AHRR: variants seen among roughly 807,000 people sequenced by gnomAD.
AHRR encodes the protein aryl hydrocarbon receptor repressor.
In AHRR, 28 loss-of-function variants were observed where a neutral mutation model predicts 44.0. The observed-to-expected ratio is 0.64, with a 90% CI of 0.47 to 0.87. AHRR has a LOEUF of 0.87. Ranked by LOEUF, AHRR falls within the 40% of genes least tolerant of loss-of-function variation. AHRR has a pLI of 0.00. For synonymous variants in AHRR, 434 were observed against 407.0 expected (o/e 1.07, Z -0.80); for missense variants, 990 against 953.9 (o/e 1.04, Z -0.50).
chr5:432,274 C>T (rs1425430625), intron 8 of AHRR, 189 bp from the exon 9 acceptor site: 1 of 587,540 alleles, frequency 1.7e-6, no homozygotes, highest in Non-Finnish European at 3.0e-6. Flanking sequence ...TTTCAGTAAA[C>T]CTGTAACTGA....
chr5:374,017 A>T (rs1218930835), intron 3 of AHRR, among the ~76,000 whole-genome samples: 1 of 151,402 alleles, frequency 6.6e-6, no homozygotes, highest in Admixed American at 6.6e-5. Flanking sequence ...CTCGGGGAAA[A>T]GGCCGGGGCT....
rs981205177 is a variant in AHRR at position 326,454 on chromosome 5, T to C, written c.-11+4635T>C. Among the ~76,000 whole-genome samples, 2 of 152,264 alleles carry C rather than the reference T, an allele frequency of 1.3e-5. No individual in the cohort carries two copies. Among genetic ancestry groups the C allele is most frequent in the Non-Finnish European group, 1.5e-5 (1 of 68,046 alleles). On this transcript the variant is annotated intron_variant, in intron 1 of 10. Transcript: ENST00000684583. The surrounding 1 kb of genome is among the most constrained non-coding windows in gnomAD (Gnocchi z 4.1). ...TTCATGGCTGAATAATATTTCATCT[T>C]ATGAAGATACCACATTCTGTTTACT...
intron 8 of AHRR, 84 bp from the exon 9 acceptor site, chr5:432,375 TATTA>T (rs1391016053): frequency 1.8e-5 from 24 of 1,313,826 alleles, no homozygotes; most frequent in Non-Finnish European, 2.5e-5. Context: ...TACCTGTCAT[TATTA>T]ATTTCTACCA....
At position 405,025 on chromosome 5, in the gene AHRR, C is replaced by T. The variant is rs776294023; in HGVS notation, c.352-8319C>T. Among the ~76,000 whole-genome samples, 2 of 152,072 alleles carry T rather than the reference C, an allele frequency of 1.3e-5. No homozygotes were observed. Among genetic ancestry groups the T allele is most frequent in the Non-Finnish European group, 2.9e-5 (2 of 68,016 alleles). On this transcript the variant is annotated intron_variant, in intron 4 of 10. Coordinates refer to ENST00000684583, the MANE Select transcript of AHRR (RefSeq NM_001377236.1). This position sits in a 1 kb window ranked among gnomAD's most constrained non-coding sequence, Gnocchi z 4.5. ...CTTTCTGTGGATCATCCCATGGGCA[C>T]ATTGGATCCTTTATTCAGTGACATA...
Position 383,926 on chromosome 5 carries a change from C to T in AHRR, c.351+7210C>T, listed in dbSNP as rs1357838288. On this transcript the variant is annotated intron_variant, in intron 4 of 10. Coordinates refer to ENST00000684583, the MANE Select transcript of AHRR (RefSeq NM_001377236.1). This position sits in a 1 kb window ranked among gnomAD's most constrained non-coding sequence, Gnocchi z 4.0. ...CTTACTCCATCTTTTTACTTTTAAT[C>T]AATTTATGTCATTATATTAAAAGTG... 1.3e-5 allele frequency among the ~76,000 whole-genome samples: 2 copies of T among 152,062 alleles called. No homozygotes were observed. Among genetic ancestry groups the T allele is most frequent in the Non-Finnish European group, 2.9e-5 (2 of 68,002 alleles).
At position 383,485 on chromosome 5, in the gene AHRR, G is replaced by A. The variant is rs192800595; in HGVS notation, c.351+6769G>A. Among the ~76,000 whole-genome samples the A allele has an allele frequency of 6.6e-6, 1 of 152,040 alleles. No homozygotes were observed. Among genetic ancestry groups the A allele is most frequent in the Admixed American group, 6.5e-5 (1 of 15,292 alleles). On this transcript the variant is annotated intron_variant, in intron 4 of 10. Transcript: ENST00000684583. The surrounding 1 kb of genome is among the most constrained non-coding windows in gnomAD (Gnocchi z 4.0). ...CATGAATTGACCCTGTATGTAAAAT[G>A]CCTCCTTATTCCTGGTAGTTTCTCT...
chr5:345,583 TGTGTGGGG>T (rs1333674908), intron 2 of AHRR, among the ~76,000 whole-genome samples: 1 of 148,530 alleles, frequency 6.7e-6, no homozygotes, highest in African/African-American at 2.5e-5. Context: ...TGTGTGTGGG[TGTGTGGGG>T]GTGTGTCTGT....
chr5:412,461 C>T (rs1465975432), intron 4 of AHRR, among the ~76,000 whole-genome samples: 2 of 152,094 alleles, frequency 1.3e-5, no homozygotes, highest in Non-Finnish European at 2.9e-5. Context: ...AGGAGTGACT[C>T]GTGTCTTGAT....
rs986304235 is a variant in AHRR at position 326,080 on chromosome 5, G to A, written c.-11+4261G>A. The stretch of plus-strand genomic sequence containing the variant: ...TTACAGGCGTGAGCCACTGCGGCCG[G>A]CCTCTTTGTATTTTCTCGTTGAGGC... On this transcript the variant is annotated intron_variant, in intron 1 of 10. Transcript: ENST00000684583. The surrounding 1 kb of genome is among the most constrained non-coding windows in gnomAD (Gnocchi z 4.1). 6.6e-6 allele frequency among the ~76,000 whole-genome samples: 1 copy of A among 152,242 alleles called. No homozygotes were observed. The highest frequency in any genetic ancestry group is 1.5e-5 in the Non-Finnish European group (1 of 68,044).
At chr5:398,856 C>T (rs1258274064) in intron 4 of AHRR, among the ~76,000 whole-genome samples, 1 of 152,182 alleles carries the variant, frequency 6.6e-6, no homozygotes, top group East Asian at 1.9e-4. Context: ...GCCCTGGCTC[C>T]AGCAGCCGCC....
chr5:327,188 G>A (rs1306665850), intron 1 of AHRR, among the ~76,000 whole-genome samples: 1 of 152,204 alleles, frequency 6.6e-6, no homozygotes, highest in East Asian at 1.9e-4. Context: ...TGAACATTGT[G>A]TATCTTCTTT....
At chr5:417,086 GCTT>G (rs1735856810) in intron 5 of AHRR, among the ~76,000 whole-genome samples, 1 of 150,668 alleles carries the variant, frequency 6.6e-6, no homozygotes, top group Admixed American at 6.6e-5. Flanking sequence ...AGAGAAGGCC[GCTT>G]GGTCCGTATG....
intron 4 of AHRR, among the ~76,000 whole-genome samples, chr5:398,734 G>A (rs868596067): frequency 1.3e-5 from 2 of 152,340 alleles, no homozygotes; most frequent in African/African-American, 2.4e-5. Context: ...CGTTGTCACC[G>A]ATGGGCTTCT....
rs1371921801 is a variant in AHRR, at chr5:344,378, G to GGCTGTGTGTCTGCGGGTGGGGGGA, written c.62+435_62+436insGGAGCTGTGTGTCTGCGGGTGGGG. Among the ~76,000 whole-genome samples the GGCTGTGTGTCTGCGGGTGGGGGGA allele has an allele frequency of 2.4e-3, 348 of 145,106 alleles. 7 individuals are homozygous for GGCTGTGTGTCTGCGGGTGGGGGGA. Among genetic ancestry groups the GGCTGTGTGTCTGCGGGTGGGGGGA allele is most frequent in the Admixed American group, 4.2e-3 (61 of 14,662 alleles). ...GTGCGTGTGTGGCGAGGCTATGCGA[G>GGCTGTGTGTCTGCGGGTGGGGGGA]GCTGTGTGTCTGCGGGTGGGGAGGG... On this transcript the variant is annotated intron_variant, in intron 2 of 10. Coordinates refer to ENST00000684583, the MANE Select transcript of AHRR (RefSeq NM_001377236.1).
At chr5:420,951 C>T (rs1736078213) in intron 5 of AHRR, 1 of 262,690 alleles carries the variant, frequency 3.8e-6, no homozygotes, top group Admixed American at 6.4e-5. Context: ...CACACAGGCG[C>T]ACATACGCTG....
Position 343,971 on chromosome 5 carries a change from T to C in AHRR, c.62+7T>C. ...GGAGGCCCCTGCAGAAACAGTAAAG[T>C]ATCCCGCCTTCTGCTTGTGTGGGTT... is the stretch of plus-strand genomic sequence containing the variant. On this transcript the variant is annotated splice_region_variant and intron_variant, in intron 2 of 10. Coordinates refer to ENST00000684583, the MANE Select transcript of AHRR (RefSeq NM_001377236.1). 1 of 1,594,050 alleles carries C rather than the reference T, an allele frequency of 6.3e-7. No individual in the cohort carries two copies. Among genetic ancestry groups the C allele is most frequent in the Non-Finnish European group, 8.5e-7 (1 of 1,171,330 alleles).
rs545774284 is a variant in AHRR, at chr5:375,652, C to A, written c.245-958C>A. The stretch of plus-strand genomic sequence containing the variant: ...CCACCTGTGACTTCAGCTGAGGATC[C>A]GGGAGACGCGGGAGCAGCAGATGCC... On this transcript the variant is annotated intron_variant, in intron 3 of 10. Coordinates refer to ENST00000684583, the MANE Select transcript of AHRR (RefSeq NM_001377236.1). Among the ~76,000 whole-genome samples, 7 of 152,346 alleles carry A rather than the reference C, an allele frequency of 4.6e-5. No homozygotes were observed. In the South Asian group the frequency reaches 1.5e-3, roughly 32 times the overall value.
intron 7 of AHRR, among the ~76,000 whole-genome samples, chr5:424,546 T>G (rs1184045159): frequency 1.3e-5 from 2 of 151,210 alleles, no homozygotes; most frequent in African/African-American, 4.8e-5. Flanking sequence ...GCGTGATGAG[T>G]CAACCGTGAG....
rs1053944544 is a variant in AHRR at position 383,840 on chromosome 5, C to T, written c.351+7124C>T. On this transcript the variant is annotated intron_variant, in intron 4 of 10. Transcript: ENST00000684583. The surrounding 1 kb of genome is among the most constrained non-coding windows in gnomAD (Gnocchi z 4.0). ...CCGGCCTCCCAAAGTGTTGAGATTA[C>T]AGGTGTGAGCCACCACACCCAGCCC... Among the ~76,000 whole-genome samples, 2 of 152,204 alleles carry T rather than the reference C, an allele frequency of 1.3e-5. No homozygotes were observed. The highest frequency in any genetic ancestry group is 2.9e-5 in the Non-Finnish European group (2 of 68,050).
Sources: allele counts gnomAD v4.1 joint callset (sites outside exome capture counted in the v4.1 genomes callset), GRCh38; gene constraint gnomAD v4.1.1; non-coding constraint Gnocchi (gnomAD v3.1); transcripts MANE v1.5; gene names NCBI Gene and HGNC (gene_info 2026-07-23, HGNC 2026-07-21).